Variants in USPL1 observed in about 807,000 individuals in gnomAD.
USPL1 encodes the protein ubiquitin specific peptidase like 1, also known as SUMO-specific isopeptidase USPL1.
USPL1 carries 27 observed loss-of-function variants against 51.5 expected under a neutral mutation model. That is an observed-to-expected ratio of 0.52 (90% CI 0.39 to 0.72). The LOEUF is 0.72. Ranked by LOEUF, USPL1 falls within the 30% of genes least tolerant of loss-of-function variation. The pLI, the probability that USPL1 is intolerant of heterozygous loss-of-function variation, is 0.00. For synonymous variants in USPL1, 451 were observed against 459.6 expected, an observed-to-expected ratio of 0.98 and a Z score of 0.24; for missense variants, 1,226 against 1,268.0, an observed-to-expected ratio of 0.97 and a Z score of 0.50.
chr13:30,637,879 C>T (rs1950897119), intron 5 of USPL1, 22 bp downstream of exon 5: 2 of 1,531,134 alleles, frequency 1.3e-6, no homozygotes, highest in Admixed American at 3.4e-5. Context: ...GTAAAACTTA[C>T]TTGTATTATA....
At position 30,631,873 on chromosome 13, in the gene USPL1, C is replaced by T. The variant is rs185017361; in HGVS notation, c.868+399C>T. On this transcript the variant is annotated intron_variant, in intron 4 of 8. Transcript: ENST00000255304. ...AAGATGTCATCCATTGCTTCTGTTTCCTGGAGGCCTGGGAGCAAGGAGCCC... is the reference window on the plus strand; with the variant it reads ...AAGATGTCATCCATTGCTTCTGTTTTCTGGAGGCCTGGGAGCAAGGAGCCC... Among the ~76,000 whole-genome samples the T allele has an allele frequency of 2.0e-5, 3 of 152,290 alleles. No homozygotes were observed. In the East Asian group the frequency reaches 5.8e-4, roughly 29 times the overall value.
chr13:30,632,263 G>T (rs938570170), intron 4 of USPL1, among the ~76,000 whole-genome samples: 30 of 151,954 alleles, frequency 2.0e-4, no homozygotes, highest in Non-Finnish European at 3.7e-4. Flanking sequence ...ATGGTTTCCA[G>T]CTTTATCCAT....
intron 5 of USPL1, among the ~76,000 whole-genome samples, chr13:30,641,643 A>G (rs1287654140): frequency 6.6e-6 from 1 of 152,174 alleles, no homozygotes; most frequent in African/African-American, 2.4e-5. Context: ...GGAAGCCAGC[A>G]TTCACTGTTC....
chr13:30,629,765 A>G (rs1031300685), intron 3 of USPL1, among the ~76,000 whole-genome samples: 5 of 152,126 alleles, frequency 3.3e-5, no homozygotes, highest in African/African-American at 1.2e-4. Flanking sequence ...CTCTTGAGCC[A>G]GTGCTTATCA....
chr13:30,646,898 A>G lies in USPL1; in HGVS notation c.1113-34A>G, dbSNP rs199649034. 5.9e-4 allele frequency: 931 copies of G among 1,590,180 alleles called. 1 individual carries two copies. The highest frequency in any genetic ancestry group is 1.0e-3 in the Middle Eastern group (6 of 5,936). ...GTTTAAATTAATGTAAATGCATTTAACGTTAATGAATTTGTTATGTCATTT... is the reference window on the plus strand; with the variant it reads ...GTTTAAATTAATGTAAATGCATTTAGCGTTAATGAATTTGTTATGTCATTT... On this transcript the variant is annotated intron_variant, in intron 6 of 8. Coordinates refer to ENST00000255304, the MANE Select transcript of USPL1 (RefSeq NM_005800.5).
At chr13:30,647,211 G>A in intron 7 of USPL1, 154 bp downstream of exon 7, 1 of 877,000 alleles carries the variant, frequency 1.1e-6, no homozygotes, top group South Asian at 1.8e-5. Flanking sequence ...GCTCTATCTG[G>A]CCAGTGAGCC....
At chr13:30,645,694 A>G (rs1278116450) in intron 6 of USPL1, among the ~76,000 whole-genome samples, 2 of 152,214 alleles carry the variant, frequency 1.3e-5, no homozygotes, top group Non-Finnish European at 2.9e-5. Context: ...GTGCCAGCAT[A>G]AGGGCTTTTT....
rs1244526632 is a variant in USPL1 at position 30,626,346 on chromosome 13, A to AAATAAATC, written c.228+4457_228+4458insAAATCAAT. ...TAAATAAATAAATAAATAAATAAAT[A>AAATAAATC]AATCAAAAGAAGAATACCCTTTCAT... On this transcript the variant is annotated intron_variant, in intron 3 of 8. Transcript: ENST00000255304. 5.7e-5 allele frequency among the ~76,000 whole-genome samples: 8 copies of AAATAAATC among 140,926 alleles called. No individual in the cohort carries two copies. The East Asian group carries it at 1.4e-3, about 24-fold the overall frequency. The allele number at this position is 140,926 out of a possible 152,430, so 92.5% of individuals were successfully genotyped here.
At position 30,659,056 on chromosome 13, in the gene USPL1, T is replaced by C. The variant is rs776062782; in HGVS notation, c.2979T>C (p.Phe993=). The change falls in exon 9 of 9, where the codon TTT becomes TTC. Residue 993 remains phenylalanine, a synonymous_variant. Coordinates refer to ENST00000255304, the MANE Select transcript of USPL1 (RefSeq NM_005800.5). ...TELSENGEGD[F]RYLGMGDSHI... The stretch of plus-strand genomic sequence containing the variant: ...TGTCAGAAAATGGGGAAGGTGACTT[T>C]AGGTATTTGGGAATGGGAGATAGTC... 3 of 1,614,236 alleles carry C rather than the reference T, an allele frequency of 1.9e-6. No individual in the cohort carries two copies. The highest frequency in any genetic ancestry group is 1.1e-5 in the South Asian group (1 of 91,082).
chr13:30,620,727 T>C (rs1480613756), intron 1 of USPL1, among the ~76,000 whole-genome samples: 1 of 152,184 alleles, frequency 6.6e-6, no homozygotes, highest in East Asian at 1.9e-4. Context: ...GGCATATTTG[T>C]TTCAAATTGT....
intron 5 of USPL1, among the ~76,000 whole-genome samples, chr13:30,641,576 A>G (rs535455159): frequency 5.1e-4 from 77 of 152,358 alleles, no homozygotes; most frequent in African/African-American, 1.8e-3. Flanking sequence ...ACCAATTGGA[A>G]AAAGAATGGG....
In USPL1 at chr13:30,621,752, T is replaced by C; in HGVS notation, c.100-12T>C. The stretch of plus-strand genomic sequence containing the variant: ...AATGTCTATATTTTAATTTGCTTTA[T>C]TTCTCTTTTAGAATTTTGATTCAGC... On this transcript the variant is annotated splice_polypyrimidine_tract_variant and intron_variant, in intron 2 of 8. Coordinates refer to ENST00000255304, the MANE Select transcript of USPL1 (RefSeq NM_005800.5). The C allele has an allele frequency of 6.8e-7, 1 of 1,461,976 alleles. No individual in the cohort carries two copies. The highest frequency in any genetic ancestry group is 2.6e-5 in the East Asian group (1 of 38,246). The allele number at this position is 1,461,976 out of a possible 1,614,324, so 90.6% of individuals were successfully genotyped here.
rs939682683 is a variant in USPL1, at chr13:30,643,605, C to T, written c.1112+848C>T. Among the ~76,000 whole-genome samples the T allele has an allele frequency of 3.1e-5, 4 of 130,262 alleles. 1 individual carries two copies. Among genetic ancestry groups the T allele is most frequent in the East Asian group, 2.1e-4 (1 of 4,806 alleles). The allele number at this position is 130,262 out of a possible 152,430, so 85.5% of individuals were successfully genotyped here. On this transcript the variant is annotated intron_variant, in intron 6 of 8. Coordinates refer to ENST00000255304, the MANE Select transcript of USPL1 (RefSeq NM_005800.5). ...CAATAGAAATAACTCTTTCCACCCC[C>T]CCCCGCCCTTTTTTTTTTTTTGAGT... is the stretch of plus-strand genomic sequence containing the variant.
intron 2 of USPL1, among the ~76,000 whole-genome samples, 155 bp from the exon 3 acceptor site, chr13:30,621,609 T>C (rs560850049): frequency 2.0e-5 from 3 of 152,116 alleles, no homozygotes; most frequent in Admixed American, 6.5e-5. Flanking sequence ...TAAAGGCTTA[T>C]ATGCATTTCT....
At chr13:30,622,859 G>A (rs1950662379) in intron 3 of USPL1, among the ~76,000 whole-genome samples, 1 of 150,534 alleles carries the variant, frequency 6.6e-6, no homozygotes, top group African/African-American at 2.4e-5. Flanking sequence ...GTAATCCCAG[G>A]CGTGTCTACA....
chr13:30,648,142 C>T (rs576318069), intron 7 of USPL1, among the ~76,000 whole-genome samples: 2 of 152,306 alleles, frequency 1.3e-5, no homozygotes, highest in Non-Finnish European at 2.9e-5. Context: ...TATTAATATA[C>T]ATGTGTTATT....
chr13:30,641,667 GACA>G (rs72361699), intron 5 of USPL1, among the ~76,000 whole-genome samples: 4,517 of 152,286 alleles, frequency 0.03, 243 homozygotes, highest in African/African-American at 0.1. Context: ...TATTTTCAAT[GACA>G]ACAAGATTCA....
intron 3 of USPL1, among the ~76,000 whole-genome samples, chr13:30,622,436 C>G (rs1200572337): frequency 1.3e-5 from 2 of 152,146 alleles, no homozygotes; most frequent in African/African-American, 4.8e-5. Flanking sequence ...TTCTGTAATA[C>G]TCCACATTTT....
In USPL1 at chr13:30,621,079, T is replaced by C. The variant is rs1467986861; in HGVS notation, c.-62T>C. The C allele has an allele frequency of 2.2e-6, 3 of 1,380,072 alleles. No individual in the cohort carries two copies. Among genetic ancestry groups the C allele is most frequent in the Non-Finnish European group, 3.0e-6 (3 of 996,520 alleles). The allele number at this position is 1,380,072 out of a possible 1,614,324, so 85.5% of individuals were successfully genotyped here. A position where few individuals can be genotyped will look rare whatever the true frequency, so the allele number is the denominator to read the frequency against. ...ATTGACTTTTTTTTTCCAGGGTTCA[T>C]TGAAAAAATCCTTAGTGATATTGAC... On this transcript the variant is annotated 5_prime_UTR_variant, in exon 2 of 9. Coordinates refer to ENST00000255304, the MANE Select transcript of USPL1 (RefSeq NM_005800.5).
Sources: allele counts gnomAD v4.1 joint callset (sites outside exome capture counted in the v4.1 genomes callset), GRCh38; gene constraint gnomAD v4.1.1; transcripts MANE v1.5; gene names NCBI Gene and HGNC (gene_info 2026-07-23, HGNC 2026-07-21).